Variants in TDRD3 observed in about 807,000 individuals in gnomAD.
The protein encoded by TDRD3 is tudor domain-containing protein 3.
A neutral mutation model predicts 86.7 loss-of-function variants in TDRD3; 45 were observed. The observed-to-expected ratio is 0.52, with a 90% CI of 0.41 to 0.67. The LOEUF (loss-of-function observed/expected upper bound fraction) is 0.67. Ranked by LOEUF, TDRD3 falls within the 30% of genes least tolerant of loss-of-function variation. The probability of loss-of-function intolerance (pLI) is 0.00; values close to 1 mark genes in which losing one functional copy is unlikely to be tolerated. For missense variants in TDRD3, 814 were observed against 889.0 expected (o/e 0.92, Z 1.07); for synonymous variants, 298 against 301.7 (o/e 0.99, Z 0.13).
At position 60,528,476 on chromosome 13, in the gene TDRD3, T is replaced by C. The variant is rs764926920; in HGVS notation, c.1251T>C (p.Asp417=). The change falls in exon 11 of 14, where the codon GAT becomes GAC. Residue 417 remains aspartate (D), a synonymous_variant. Transcript: ENST00000377881. ...NNHLRHPPRN[D]TRQPRNEKPP... ...ATCTGAGACATCCTCCTCGAAATGA[T>C]ACCAGGCAGCCAAGAAATGAAAAAC... is the stretch of plus-strand genomic sequence containing the variant. 8.1e-6 allele frequency: 13 copies of C among 1,614,006 alleles called. No homozygotes were observed. In the South Asian group the frequency reaches 1.4e-4, roughly 18 times the overall value.
intron 1 of TDRD3, among the ~76,000 whole-genome samples, chr13:60,408,581 T>G (rs1023557782): frequency 1.3e-5 from 2 of 152,160 alleles, no homozygotes; most frequent in Non-Finnish European, 2.9e-5. Flanking sequence ...TCTTGTTATG[T>G]TTTAGCAAGG....
chr13:60,551,014 A>T (rs1958038321), intron 12 of TDRD3, among the ~76,000 whole-genome samples: 1 of 152,182 alleles, frequency 6.6e-6, no homozygotes, highest in Non-Finnish European at 1.5e-5. Context: ...TTCGTGTTTG[A>T]CAGTAAGAAC....
At chr13:60,535,855 T>C (rs987000239) in intron 12 of TDRD3, 3 of 152,140 alleles carry the variant, frequency 2.0e-5, no homozygotes, top group Admixed American at 6.5e-5. Context: ...AAAGAACTTA[T>C]GTGATTTTAT....
At position 60,487,386 on chromosome 13, in the gene TDRD3, G is replaced by C. The variant is rs902582649; in HGVS notation, c.717+1438G>C. Among the ~76,000 whole-genome samples the C allele has an allele frequency of 2.2e-4, 34 of 152,042 alleles. 1 individual carries two copies. The highest frequency in any genetic ancestry group is 1.2e-4 in the Non-Finnish European group (8 of 68,020). ...AGCTACTCAAGAGGCAGAGGCAAGAGAATCACTTGAACTCGGAAGGCGGAG... is the reference window on the plus strand; with the variant it reads ...AGCTACTCAAGAGGCAGAGGCAAGACAATCACTTGAACTCGGAAGGCGGAG... On this transcript the variant is annotated intron_variant, in intron 7 of 13. Coordinates refer to ENST00000377881, the MANE Select transcript of TDRD3 (RefSeq NM_001146070.2).
chr13:60,445,967 G>A (rs1382696522), intron 3 of TDRD3, among the ~76,000 whole-genome samples: 2 of 152,096 alleles, frequency 1.3e-5, no homozygotes, highest in Admixed American at 6.6e-5. Context: ...ACTTTTAAAA[G>A]TTTTGCACAG....
At chr13:60,503,435 T>C (rs1956875430) in intron 8 of TDRD3, among the ~76,000 whole-genome samples, 2 of 152,210 alleles carry the variant, frequency 1.3e-5, no homozygotes, top group African/African-American at 4.8e-5. Context: ...TTAATTATGA[T>C]TAATAGGATA....
intron 1 of TDRD3, among the ~76,000 whole-genome samples, chr13:60,403,376 G>C (rs910222006): frequency 1.7e-4 from 26 of 152,080 alleles, no homozygotes; most frequent in African/African-American, 6.0e-4. Flanking sequence ...TTTGACAAAA[G>C]AATATTGGCA....
At chr13:60,397,018 A>C, upstream of TDRD3, 1 of 197,218 alleles carries the variant, frequency 5.1e-6, no homozygotes, top group Non-Finnish European at 1.0e-5. Context: ...AAGGTGTGCA[A>C]CTCAGAAAAG....
chr13:60,552,867 C>T (rs1196677848), intron 12 of TDRD3, among the ~76,000 whole-genome samples: 1 of 152,228 alleles, frequency 6.6e-6, no homozygotes, highest in Non-Finnish European at 1.5e-5. Context: ...CCCCTTTTAG[C>T]CATGGCTGGA....
chr13:60,397,692 C>T (rs963145768), intron 1 of TDRD3, among the ~76,000 whole-genome samples: 18 of 149,348 alleles, frequency 1.2e-4, no homozygotes, highest in Non-Finnish European at 3.0e-5. Context: ...GGCCGCGAGC[C>T]GGGCGGGTGG....
At chr13:60,547,514 G>A in intron 12 of TDRD3, 1 of 555,930 alleles carries the variant, frequency 1.8e-6, no homozygotes, top group Non-Finnish European at 2.3e-6. Flanking sequence ...ATATCTCTGG[G>A]TCCCAGTTTC....
Position 60,494,419 on chromosome 13 carries a change from T to G in TDRD3, c.718-16T>G. The G allele has an allele frequency of 6.2e-7, 1 of 1,603,972 alleles. No individual in the cohort carries two copies. Among genetic ancestry groups the G allele is most frequent in the Non-Finnish European group, 8.5e-7 (1 of 1,174,426 alleles). On this transcript the variant is annotated splice_polypyrimidine_tract_variant and intron_variant, in intron 7 of 13. Coordinates refer to ENST00000377881, the MANE Select transcript of TDRD3 (RefSeq NM_001146070.2). ...GCTGTCTACATACCTCTCTTTTATC[T>G]TTCTCTTATGTAAAGACCAAGACAT...
intron 3 of TDRD3, 49 bp downstream of exon 3, chr13:60,444,797 A>G (rs758044680): frequency 1.1e-4 from 123 of 1,088,778 alleles, no homozygotes; most frequent in Non-Finnish European, 1.6e-4. Context: ...GTTACAATAA[A>G]TATGAACTAA....
intron 13 of TDRD3, among the ~76,000 whole-genome samples, chr13:60,568,628 C>T (rs1958517062): frequency 1.3e-5 from 2 of 152,166 alleles, no homozygotes; most frequent in Admixed American, 6.5e-5. Flanking sequence ...CACAGCTAGA[C>T]TCATACTGAA....
chr13:60,458,804 A>T (rs138422399), intron 3 of TDRD3, among the ~76,000 whole-genome samples: 5 of 152,336 alleles, frequency 3.3e-5, no homozygotes, highest in African/African-American at 1.2e-4. Context: ...GGAGGATTGT[A>T]TTGGACAGCA....
intron 2 of TDRD3, among the ~76,000 whole-genome samples, chr13:60,441,917 A>T (rs1955284412): frequency 6.6e-6 from 1 of 152,134 alleles, no homozygotes; most frequent in African/African-American, 2.4e-5. Context: ...CAGAAAACAG[A>T]TGTCCACCAT....
chr13:60,514,198 G>A (rs2137683794), intron 10 of TDRD3, among the ~76,000 whole-genome samples: 1 of 152,314 alleles, frequency 6.6e-6, no homozygotes, highest in African/African-American at 2.4e-5. Flanking sequence ...GCAGCATTTT[G>A]CCTCTGCCCT....
chr13:60,524,186 G>T (rs1366090317), intron 10 of TDRD3, among the ~76,000 whole-genome samples: 1 of 151,984 alleles, frequency 6.6e-6, no homozygotes, highest in Non-Finnish European at 1.5e-5. Flanking sequence ...CTTTTCAGTT[G>T]ATTTGGGATA....
intron 1 of TDRD3, among the ~76,000 whole-genome samples, chr13:60,427,392 T>C (rs1163341818): frequency 6.6e-6 from 1 of 152,198 alleles, no homozygotes; most frequent in African/African-American, 2.4e-5. Flanking sequence ...TCCTGTGTTA[T>C]TAAAGGTACT....
Sources: gnomAD v4.1 joint callset for allele counts (sites outside exome capture counted in the v4.1 genomes callset) on GRCh38, gnomAD v4.1.1 for gene constraint, MANE v1.5 for transcripts, NCBI Gene and HGNC (gene_info 2026-07-23, HGNC 2026-07-21) for gene names.